PDZRN4: variants seen among roughly 807,000 people sequenced by gnomAD.
PDZRN4 encodes the protein PDZ domain-containing RING finger protein 4.
In PDZRN4, 70 loss-of-function variants were observed where a neutral mutation model predicts 99.0. That is an observed-to-expected ratio of 0.71 (90% confidence interval 0.58 to 0.86). PDZRN4 has a LOEUF of 0.86. Ranked by LOEUF, PDZRN4 falls within the 40% of genes least tolerant of loss-of-function variation. The pLI is 0.00. For synonymous variants in PDZRN4, 551 were observed against 501.6 expected, an observed-to-expected ratio of 1.10 and a Z score of -1.32; for missense variants, 1,474 against 1,331.2, an observed-to-expected ratio of 1.11 and a Z score of -1.67.
intron 3 of PDZRN4, among the ~76,000 whole-genome samples, chr12:41,408,783 T>TG (rs1253745208): frequency 1.3e-5 from 2 of 150,458 alleles, no homozygotes; most frequent in African/African-American, 2.4e-5. Flanking sequence ...TCTCTCTGTC[T>TG]TCTCTCTCTC....
At chr12:41,506,941 C>T (rs1938217527) in intron 4 of PDZRN4, among the ~76,000 whole-genome samples, 1 of 152,066 alleles carries the variant, frequency 6.6e-6, no homozygotes, top group Non-Finnish European at 1.5e-5. Context: ...ATCATACTTG[C>T]TAGCTGCTGT....
At position 41,573,499 on chromosome 12, in the gene PDZRN4, G is replaced by A; in HGVS notation, c.2720G>A (p.Arg907Gln). ...GTRYITKRPV[R>Q]DRILKERALK... ...CGGTACATCACAAAGAGACCCGTGC[G>A]AGACCGAATCCTGAAGGAACGTGCC... The change falls in exon 10 of 10, where the codon CGA becomes CAA. Residue 907 changes from arginine to glutamine, a missense_variant. Arg to Gln is a conservative substitution (Grantham distance 43, BLOSUM62 1). Transcript: ENST00000402685. The A allele has an allele frequency of 6.2e-7, 1 of 1,614,000 alleles. No homozygotes were observed. Among genetic ancestry groups the A allele is most frequent in the Non-Finnish European group, 8.5e-7 (1 of 1,179,998 alleles).
chr12:41,232,937 A>C (rs556553135), intron 3 of PDZRN4, among the ~76,000 whole-genome samples: 1 of 152,182 alleles, frequency 6.6e-6, no homozygotes, highest in East Asian at 1.9e-4. Flanking sequence ...TCCTTTCCCC[A>C]TTGCTTGTTT....
chr12:41,337,149 C>T (rs1951781382), intron 3 of PDZRN4, among the ~76,000 whole-genome samples: 2 of 152,056 alleles, frequency 1.3e-5, no homozygotes, highest in Admixed American at 6.6e-5. Flanking sequence ...TTAGTTCAGC[C>T]TACACCCAAG....
intron 3 of PDZRN4, among the ~76,000 whole-genome samples, chr12:41,491,349 T>C (rs983867105): frequency 6.6e-6 from 1 of 152,028 alleles, no homozygotes; most frequent in African/African-American, 2.4e-5. Flanking sequence ...AGTGAAACTC[T>C]GTCTCTAATA....
chr12:41,402,089 A>AAT (rs148105881), intron 3 of PDZRN4, among the ~76,000 whole-genome samples: 1,238 of 70,322 alleles, frequency 0.018, 111 homozygotes, highest in Admixed American at 0.072. Context: ...AAAAAAAAGA[A>AAT]ATATATATAT....
intron 7 of PDZRN4, among the ~76,000 whole-genome samples, chr12:41,560,565 C>T (rs541756528): frequency 6.6e-6 from 1 of 152,162 alleles, no homozygotes; most frequent in Non-Finnish European, 1.5e-5. Context: ...GTTCTCTTTC[C>T]CTCTATTTTC....
chr12:41,278,440 T>C (rs1338524604), intron 3 of PDZRN4, among the ~76,000 whole-genome samples: 1 of 152,218 alleles, frequency 6.6e-6, no homozygotes, highest in Non-Finnish European at 1.5e-5. Flanking sequence ...AACAGGTTTA[T>C]TGACTTTACA....
intron 3 of PDZRN4, among the ~76,000 whole-genome samples, chr12:41,410,752 G>A (rs1952392067): frequency 6.6e-6 from 1 of 152,166 alleles, no homozygotes; most frequent in South Asian, 2.1e-4. Flanking sequence ...TGAAAGGGCT[G>A]TTGTCAGGAT....
At chr12:41,378,126 C>T (rs892839731) in intron 3 of PDZRN4, among the ~76,000 whole-genome samples, 1 of 151,544 alleles carries the variant, frequency 6.6e-6, no homozygotes, top group African/African-American at 2.4e-5. Context: ...CATCTATGAC[C>T]ATTATTATGT....
At chr12:41,458,021 A>G (rs1952831345) in intron 3 of PDZRN4, among the ~76,000 whole-genome samples, 1 of 152,230 alleles carries the variant, frequency 6.6e-6, no homozygotes, top group African/African-American at 2.4e-5. Context: ...GGACCACCAG[A>G]AAACTTCATG....
chr12:41,239,166 G>C (rs1159031765), intron 3 of PDZRN4, among the ~76,000 whole-genome samples: 6 of 152,162 alleles, frequency 3.9e-5, no homozygotes, highest in Non-Finnish European at 5.9e-5. Flanking sequence ...CTTTGCAGGG[G>C]CATGGATGGA....
intron 3 of PDZRN4, among the ~76,000 whole-genome samples, chr12:41,249,223 G>A: frequency 6.6e-6 from 1 of 152,142 alleles, no homozygotes; most frequent in East Asian, 1.9e-4. Flanking sequence ...TAATGGGTTT[G>A]CCATTAGTTT....
rs867457678 is a variant in PDZRN4 at position 41,536,642 on chromosome 12, G to T, written c.1204-16014G>T. On this transcript the variant is annotated intron_variant, in intron 5 of 9. Coordinates refer to ENST00000402685, the MANE Select transcript of PDZRN4 (RefSeq NM_001164595.2). ...TTACAAATATGCTACTCTGGTGGAG[G>T]ATGTTGATAATAGAAAAGGCTATGT... Among the ~76,000 whole-genome samples, 4 of 151,614 alleles carry T rather than the reference G, an allele frequency of 2.6e-5. No individual in the cohort carries two copies. The South Asian group carries it at 8.4e-4, about 32-fold the overall frequency.
chr12:41,434,811 T>G (rs1346152830), intron 3 of PDZRN4, among the ~76,000 whole-genome samples: 1 of 152,238 alleles, frequency 6.6e-6, no homozygotes, highest in Non-Finnish European at 1.5e-5. Flanking sequence ...ATTCCCTACT[T>G]ATTTTTTATC....
At chr12:41,391,553 C>T (rs920013513) in intron 3 of PDZRN4, among the ~76,000 whole-genome samples, 8 of 152,056 alleles carry the variant, frequency 5.3e-5, no homozygotes, top group African/African-American at 9.7e-5. Context: ...TACTGAGGCT[C>T]GTGTCAAGGA....
chr12:41,416,182 T>C (rs140255640), intron 3 of PDZRN4, among the ~76,000 whole-genome samples: 6 of 152,316 alleles, frequency 3.9e-5, no homozygotes, highest in African/African-American at 1.2e-4. Context: ...AAAATTTATG[T>C]TCATATTTGT....
intron 3 of PDZRN4, among the ~76,000 whole-genome samples, chr12:41,491,046 G>A (rs1214638013): frequency 6.6e-6 from 1 of 152,144 alleles, no homozygotes; most frequent in Non-Finnish European, 1.5e-5. Context: ...GTTCCCTACA[G>A]TGTAGTAGCA....
At chr12:41,536,599 A>G (rs546516314) in intron 5 of PDZRN4, among the ~76,000 whole-genome samples, 1 of 152,142 alleles carries the variant, frequency 6.6e-6, no homozygotes, top group African/African-American at 2.4e-5. Context: ...TGATGTGTTA[A>G]TGTAGTTTTA....
Sources: gnomAD v4.1 joint callset for allele counts (sites outside exome capture counted in the v4.1 genomes callset) on GRCh38, gnomAD v4.1.1 for gene constraint, MANE v1.5 for transcripts, NCBI Gene and HGNC (gene_info 2026-07-23, HGNC 2026-07-21) for gene names.